ADAMTSL3: variants seen among roughly 807,000 people sequenced by gnomAD.
The protein encoded by ADAMTSL3 is ADAMTS-like protein 3.
In ADAMTSL3, 128 loss-of-function variants were observed where a neutral mutation model predicts 201.7. The ratio of observed to expected loss-of-function variants is 0.63; its 90% CI spans 0.55 to 0.73. ADAMTSL3 has a LOEUF of 0.73. ADAMTSL3 is among the 30% of genes least tolerant of loss of function. The pLI is 0.00. For synonymous variants in ADAMTSL3, 738 were observed against 748.4 expected, an observed-to-expected ratio of 0.99 and a Z score of 0.23; for missense variants, 1,990 against 2,119.6, an observed-to-expected ratio of 0.94 and a Z score of 1.20.
chr15:83,736,785 A>C (rs1270175661), intron 3 of ADAMTSL3, among the ~76,000 whole-genome samples: 1 of 152,238 alleles, frequency 6.6e-6, no homozygotes, highest in Non-Finnish European at 1.5e-5. Context: ...AGAGATGGGA[A>C]GCCCCCAATC....
intron 14 of ADAMTSL3, among the ~76,000 whole-genome samples, chr15:83,898,644 G>A (rs541382892): frequency 6.6e-6 from 1 of 152,116 alleles, no homozygotes; most frequent in Non-Finnish European, 1.5e-5. Flanking sequence ...GGAGGATTTG[G>A]CATCAGCTCT....
chr15:83,892,221 A>G (rs2065515141), intron 12 of ADAMTSL3, among the ~76,000 whole-genome samples: 1 of 148,654 alleles, frequency 6.7e-6, no homozygotes, highest in Non-Finnish European at 1.5e-5. Flanking sequence ...ATCTTAAAAA[A>G]AAAACTAAAT....
chr15:83,910,919 C>T (rs921955956), intron 15 of ADAMTSL3, among the ~76,000 whole-genome samples: 2 of 151,990 alleles, frequency 1.3e-5, no homozygotes, highest in South Asian at 2.1e-4. Flanking sequence ...GGATTACCGG[C>T]GTGAGCCACC....
intron 8 of ADAMTSL3, among the ~76,000 whole-genome samples, chr15:83,870,211 A>T (rs777324335): frequency 1.3e-5 from 2 of 152,174 alleles, no homozygotes; most frequent in Non-Finnish European, 2.9e-5. Flanking sequence ...GTGGTGGGTG[A>T]TAAAATGGCA....
chr15:83,997,529 C>T lies in ADAMTSL3; in HGVS notation c.3973+6315C>T, dbSNP rs193165559. On this transcript the variant is annotated intron_variant, in intron 23 of 29. Transcript: ENST00000286744. ...GCTTGAACCTGGGAGGCAGAGGCTG[C>T]AGTGAGCTGAGATTGTGCCATTGCT... 9.9e-5 allele frequency among the ~76,000 whole-genome samples: 15 copies of T among 152,260 alleles called. No individual in the cohort carries two copies. The East Asian group carries it at 1.7e-3, about 18-fold the overall frequency.
At chr15:84,031,622 TTATAAC>T (rs1447002392) in intron 28 of ADAMTSL3, among the ~76,000 whole-genome samples, 190 bp downstream of exon 28, 2 of 152,190 alleles carry the variant, frequency 1.3e-5, no homozygotes, top group Non-Finnish European at 2.9e-5. Context: ...TGTGCACTAT[TTATAAC>T]TATAAATTGT....
chr15:83,826,874 T>C (rs1596281273), intron 6 of ADAMTSL3, among the ~76,000 whole-genome samples: 2 of 152,194 alleles, frequency 1.3e-5, no homozygotes, highest in South Asian at 4.2e-4. Flanking sequence ...TATTCCATGG[T>C]GTATATGTGC....
rs147594271 is a variant in ADAMTSL3, at chr15:83,903,052, A to G, written c.1700+3321A>G. 6.7e-4 allele frequency among the ~76,000 whole-genome samples: 102 copies of G among 152,154 alleles called. 2 individuals are homozygous for G. The East Asian group carries it at 0.019, about 29-fold the overall frequency. On this transcript the variant is annotated intron_variant, in intron 15 of 29. Transcript: ENST00000286744. ...CAGACAGCACATCATTTCATTCATA[A>G]TTATGTATCTCAAAAAGAAGTCTTT...
At chr15:83,959,353 C>A (rs1298654708) in intron 19 of ADAMTSL3, among the ~76,000 whole-genome samples, 1 of 152,126 alleles carries the variant, frequency 6.6e-6, no homozygotes, top group African/African-American at 2.4e-5. Context: ...CACTTGAACC[C>A]AGGAGGCAGA....
chr15:83,804,477 C>T (rs565879251), intron 4 of ADAMTSL3, among the ~76,000 whole-genome samples, 173 bp from the exon 5 acceptor site: 7 of 151,846 alleles, frequency 4.6e-5, no homozygotes, highest in South Asian at 2.1e-4. Context: ...TTTTGGCTCC[C>T]GATCCTTGAA....
intron 3 of ADAMTSL3, among the ~76,000 whole-genome samples, chr15:83,707,762 T>G (rs765796349): frequency 1.4e-4 from 22 of 152,216 alleles, no homozygotes; most frequent in Non-Finnish European, 4.4e-5. Context: ...GTCTGAGAGA[T>G]TCAACCCAGT....
chr15:83,885,270 T>C (rs2065364118), intron 10 of ADAMTSL3, 58 bp downstream of exon 10: 11 of 1,312,338 alleles, frequency 8.4e-6, no homozygotes, highest in Non-Finnish European at 1.2e-5. Context: ...AAATTAGACA[T>C]TTACATTTTT....
intron 6 of ADAMTSL3, among the ~76,000 whole-genome samples, chr15:83,832,534 C>T (rs2064176581): frequency 6.6e-6 from 1 of 152,164 alleles, no homozygotes; most frequent in South Asian, 2.1e-4. Flanking sequence ...GTGACTTAGA[C>T]ACTTCTTGGT....
chr15:83,845,417 G>T (rs1163037735), intron 7 of ADAMTSL3, among the ~76,000 whole-genome samples: 2 of 152,132 alleles, frequency 1.3e-5, no homozygotes. Context: ...TTCCTGTTAT[G>T]ATTTCAGTGG....
chr15:83,939,046 T>C (rs1464856919), intron 17 of ADAMTSL3, among the ~76,000 whole-genome samples: 2 of 152,256 alleles, frequency 1.3e-5, no homozygotes, highest in African/African-American at 4.8e-5. Flanking sequence ...AATGATCATA[T>C]GAATTTTTTC....
At chr15:84,031,584 G>T (rs2068410790) in intron 28 of ADAMTSL3, 152 bp downstream of exon 28, 4 of 648,790 alleles carry the variant, frequency 6.2e-6, no homozygotes, top group Non-Finnish European at 2.7e-6. Context: ...ATCTTCAATA[G>T]TATATATTAT....
At chr15:83,929,680 C>CCA (rs147998074) in intron 17 of ADAMTSL3, among the ~76,000 whole-genome samples, 38,061 of 147,236 alleles carry the variant, frequency 0.26, 5,210 homozygotes, top group East Asian at 0.32. Flanking sequence ...GTCACCTCTA[C>CCA]CACACACACA....
At chr15:83,766,045 G>A (rs1032023714) in intron 3 of ADAMTSL3, among the ~76,000 whole-genome samples, 3 of 151,628 alleles carry the variant, frequency 2.0e-5, no homozygotes, top group African/African-American at 2.4e-5. Context: ...CCTATCATAC[G>A]GAAGAAGGTG....
chr15:84,010,873 A>G (rs537137620), intron 23 of ADAMTSL3, among the ~76,000 whole-genome samples: 1 of 152,216 alleles, frequency 6.6e-6, no homozygotes, highest in South Asian at 2.1e-4. Context: ...CTACATCTGC[A>G]CTCTATGTTC....
Sources: gnomAD v4.1 joint callset for allele counts (sites outside exome capture counted in the v4.1 genomes callset) on GRCh38, gnomAD v4.1.1 for gene constraint, MANE v1.5 for transcripts, NCBI Gene and HGNC (gene_info 2026-07-23, HGNC 2026-07-21) for gene names.